PNPLA7: variants seen among roughly 807,000 people sequenced by gnomAD.
PNPLA7 encodes the protein patatin-like phospholipase domain-containing protein 7.
In PNPLA7, 153 loss-of-function variants were observed where a neutral mutation model predicts 161.7. That is an observed-to-expected ratio of 0.95 (90% CI 0.83 to 1.08). The LOEUF is 1.08. Among genes scored for constraint, PNPLA7 ranks in the 50% least tolerant of loss-of-function variants. The probability of loss-of-function intolerance (pLI) is 0.00; values close to 1 mark genes in which losing one functional copy is unlikely to be tolerated. For synonymous variants in PNPLA7, 809 were observed against 782.1 expected (o/e 1.03, Z -0.57); for missense variants, 1,739 against 1,856.6 (o/e 0.94, Z 1.16).
In PNPLA7 at chr9:137,497,177, C is replaced by G; in HGVS notation, c.2013+10G>C. 6.4e-7 allele frequency: 1 copy of G among 1,563,886 alleles called. No homozygotes were observed. Reference sequence around the variant, plus strand: ...AGGTGGGGGAGGCAGGAGCAGGGCCCAGCACCTACCACGCCGACGAGGTCT... The same window carrying G: ...AGGTGGGGGAGGCAGGAGCAGGGCCGAGCACCTACCACGCCGACGAGGTCT... On this transcript the variant is annotated intron_variant, in intron 18 of 34. Coordinates refer to ENST00000406427, the MANE Select transcript of PNPLA7 (RefSeq NM_001098537.3).
At chr9:137,508,609 T>A (rs945276372) in intron 12 of PNPLA7, among the ~76,000 whole-genome samples, 8 of 151,832 alleles carry the variant, frequency 5.3e-5, no homozygotes, top group Non-Finnish European at 1.0e-4. Context: ...AAAGGATATA[T>A]CTTGACCCCT....
At chr9:137,482,705 G>A (rs953162816) in intron 21 of PNPLA7, among the ~76,000 whole-genome samples, 1 of 152,230 alleles carries the variant, frequency 6.6e-6, no homozygotes, top group African/African-American at 2.4e-5. Flanking sequence ...CGGACGGGCT[G>A]CTGGGGCCCA....
chr9:137,487,950 G>T (rs570420990), intron 20 of PNPLA7, among the ~76,000 whole-genome samples: 1 of 149,310 alleles, frequency 6.7e-6, no homozygotes, highest in South Asian at 2.1e-4. Flanking sequence ...CGGGAGGAGC[G>T]GGGGACTCAG....
rs1380942717 is a variant in PNPLA7, at chr9:137,499,116, G to GCAGAAACA, written c.1758-872_1758-871insTGTTTCTG. Among the ~76,000 whole-genome samples the GCAGAAACA allele has an allele frequency of 1.3e-5, 2 of 151,640 alleles. No homozygotes were observed. Among genetic ancestry groups the GCAGAAACA allele is most frequent in the Non-Finnish European group, 2.9e-5 (2 of 67,854 alleles). ...AGGCACACCATGCACGGACACACAG[G>GCAGAAACA]CAGACACACAGACACACACAGACAC... On this transcript the variant is annotated intron_variant, in intron 16 of 34. Transcript: ENST00000406427. The surrounding 1 kb of genome is among the most constrained non-coding windows in gnomAD (Gnocchi z 5.5).
At chr9:137,519,723 G>A (rs1052523865) in intron 11 of PNPLA7, among the ~76,000 whole-genome samples, 194 bp downstream of exon 11, 8 of 150,190 alleles carry the variant, frequency 5.3e-5, no homozygotes, top group Non-Finnish European at 7.4e-5. Context: ...CCTGGGGTGC[G>A]TGTGAGTAGA....
At chr9:137,538,629 G>A (rs1387968608) in intron 8 of PNPLA7, among the ~76,000 whole-genome samples, 1 of 152,210 alleles carries the variant, frequency 6.6e-6, no homozygotes, top group Non-Finnish European at 1.5e-5. Context: ...ACTCAAAAGA[G>A]TAAGATTAAA....
At position 137,501,732 on chromosome 9, in the gene PNPLA7, A is replaced by C. The variant is rs1833434680; in HGVS notation, c.1474-5T>G. On this transcript the variant is annotated splice_region_variant and splice_polypyrimidine_tract_variant and intron_variant, in intron 14 of 34. Transcript: ENST00000406427. ...GCCATCCAACAGAGATGAGTCCTAA[A>C]AACAGAGCAGACTTCAGGGAACACG... 1 of 1,612,264 alleles carries C rather than the reference A, an allele frequency of 6.2e-7. No individual in the cohort carries two copies. Among genetic ancestry groups the C allele is most frequent in the Non-Finnish European group, 8.5e-7 (1 of 1,179,764 alleles).
rs779879313 is a variant in PNPLA7, at chr9:137,461,593, TGAA to T, written c.3781_3783del (p.Phe1261del). ...CGAGACACAATTTCGGCAAGGTCCG[TGAA>T]GGAGGCGTTGGGACAGGTGAGGACC... On this transcript the variant is annotated inframe_deletion, in exon 33 of 35. Transcript: ENST00000406427. The T allele has an allele frequency of 6.2e-7, 1 of 1,612,772 alleles. No individual in the cohort carries two copies. The highest frequency in any genetic ancestry group is 2.2e-5 in the East Asian group (1 of 44,864).
chr9:137,536,458 G>C (rs1012794947), intron 8 of PNPLA7, among the ~76,000 whole-genome samples: 2 of 152,064 alleles, frequency 1.3e-5, no homozygotes, highest in African/African-American at 4.8e-5. Context: ...AAGCATTCAC[G>C]GAGCCGCTGG....
At chr9:137,518,311 C>A (rs1291650657) in intron 11 of PNPLA7, among the ~76,000 whole-genome samples, 1 of 125,356 alleles carries the variant, frequency 8.0e-6, no homozygotes, top group Non-Finnish European at 1.6e-5. Flanking sequence ...TCCACTCTGT[C>A]CACTCCATCC....
chr9:137,522,779 A>G lies in PNPLA7; in HGVS notation c.826T>C (p.Phe276Leu). 1 of 1,613,776 alleles carries G rather than the reference A, an allele frequency of 6.2e-7. No individual in the cohort carries two copies. The highest frequency in any genetic ancestry group is 8.5e-7 in the Non-Finnish European group (1 of 1,179,970). ...STILRLPAAA[F>L]HGVFEKYPET... The stretch of plus-strand genomic sequence containing the variant: ...GGATATTTCTCAAAAACTCCATGAA[A>G]AGCCGCAGCTGGAAGCCGGAGGATG... Residue 276 changes from phenylalanine (F) to leucine (L), a missense_variant, in exon 9 of 35, where the codon TTT becomes CTT. Phe to Leu is a conservative substitution (Grantham distance 22). Coordinates refer to ENST00000406427, the MANE Select transcript of PNPLA7 (RefSeq NM_001098537.3).
At chr9:137,511,679 T>C (rs2480104) in intron 12 of PNPLA7, among the ~76,000 whole-genome samples, 5,185 of 152,248 alleles carry the variant, frequency 0.034, 229 homozygotes, top group African/African-American at 0.11. Context: ...CCCGCAGTCA[T>C]TGGAGGCTTC....
intron 8 of PNPLA7, among the ~76,000 whole-genome samples, chr9:137,538,513 C>T (rs1836013752): frequency 6.6e-6 from 1 of 152,162 alleles, no homozygotes. Context: ...TGAATGCATC[C>T]GAGCCAGGGT....
chr9:137,496,674 G>A (rs1018001061), intron 18 of PNPLA7, among the ~76,000 whole-genome samples: 1 of 152,128 alleles, frequency 6.6e-6, no homozygotes, highest in Non-Finnish European at 1.5e-5. Flanking sequence ...TCGCGCCACT[G>A]CACTCCAGCC....
rs148772152 is a variant in PNPLA7 at position 137,501,124 on chromosome 9, C to T, written c.1552-228G>A. Among the ~76,000 whole-genome samples, 652 of 152,306 alleles carry T rather than the reference C, an allele frequency of 4.3e-3. 14 individuals are homozygous for T. The highest frequency in any genetic ancestry group is 7.0e-3 in the East Asian group (36 of 5,178). On this transcript the variant is annotated intron_variant, in intron 15 of 34. Transcript: ENST00000406427. The stretch of plus-strand genomic sequence containing the variant: ...GTTCTCAAGGGCTCCGTGCAGCGAG[C>T]CGGGCCTCGGACCTGCACACCTTCC...
At chr9:137,465,543 C>T (rs1356402047) in intron 26 of PNPLA7, among the ~76,000 whole-genome samples, 3 of 152,226 alleles carry the variant, frequency 2.0e-5, no homozygotes, top group Non-Finnish European at 4.4e-5. Flanking sequence ...CTGGGGCCGT[C>T]CTGCTGCATG....
intron 8 of PNPLA7, among the ~76,000 whole-genome samples, chr9:137,538,144 G>A (rs191538075): frequency 7.2e-5 from 11 of 152,294 alleles, no homozygotes; most frequent in Admixed American, 5.9e-4. Context: ...GGGCTCCCTC[G>A]AAGATGAGCA....
intron 14 of PNPLA7, among the ~76,000 whole-genome samples, chr9:137,502,943 C>T (rs753377835): frequency 5.3e-5 from 8 of 151,922 alleles, no homozygotes; most frequent in South Asian, 2.1e-4. Flanking sequence ...GGGGGGCACC[C>T]GAACGGTACG....
In PNPLA7 at chr9:137,543,906, G is replaced by T; in HGVS notation, c.274-91C>A. On this transcript the variant is annotated intron_variant, in intron 4 of 34. Coordinates refer to ENST00000406427, the MANE Select transcript of PNPLA7 (RefSeq NM_001098537.3). The surrounding 1 kb of genome is among the most constrained non-coding windows in gnomAD (Gnocchi z 6.9). ...GGGGATCAGTCCTCAGGACCTGCCT[G>T]TGGGCCTCCCACAGTCCCAGCTTCA... The T allele has an allele frequency of 1.8e-6, 2 of 1,082,986 alleles. No homozygotes were observed. Among genetic ancestry groups the T allele is most frequent in the Non-Finnish European group, 2.8e-6 (2 of 710,106 alleles). 67.1% of individuals were successfully genotyped at this position (1,082,986 alleles called of 1,614,324 possible). A position where few individuals can be genotyped will look rare whatever the true frequency, so the allele number is the denominator to read the frequency against.
Sources: gnomAD v4.1 joint callset for allele counts (sites outside exome capture counted in the v4.1 genomes callset) on GRCh38, gnomAD v4.1.1 for gene constraint, Gnocchi (gnomAD v3.1) non-coding constraint, MANE v1.5 for transcripts, NCBI Gene and HGNC (gene_info 2026-07-23, HGNC 2026-07-21) for gene names.